Variants in MATN2 observed in about 807,000 individuals in gnomAD.
MATN2 encodes matrilin 2, also known as matrilin-2.
A neutral mutation model predicts 103.2 loss-of-function variants in MATN2; 69 were observed. The ratio of observed to expected loss-of-function variants is 0.67; its 90% confidence interval spans 0.55 to 0.82. The LOEUF (loss-of-function observed/expected upper bound fraction) is 0.82. Ranked by LOEUF, MATN2 falls within the 40% of genes least tolerant of loss-of-function variation. The probability of loss-of-function intolerance (pLI) is 0.00; values close to 1 mark genes in which losing one functional copy is unlikely to be tolerated. For synonymous variants in MATN2, 429 were observed against 450.2 expected (o/e 0.95, Z 0.60); for missense variants, 1,023 against 1,211.5 (o/e 0.84, Z 2.31).
chr8:98,032,763 C>G (rs975019338), intron 16 of MATN2, among the ~76,000 whole-genome samples: 2 of 152,134 alleles, frequency 1.3e-5, no homozygotes, highest in Admixed American at 6.5e-5. Context: ...AACTCCTGAC[C>G]TCAAGCGATC....
chr8:97,989,602 T>C (rs1293933940), intron 6 of MATN2, among the ~76,000 whole-genome samples: 1 of 152,206 alleles, frequency 6.6e-6, no homozygotes, highest in East Asian at 1.9e-4. Context: ...TAAAACAGAA[T>C]GTCCACTCAC....
intron 6 of MATN2, among the ~76,000 whole-genome samples, chr8:97,990,695 T>A (rs1442507571): frequency 6.6e-6 from 1 of 152,174 alleles, no homozygotes; most frequent in African/African-American, 2.4e-5. Context: ...AAAATAATTA[T>A]GCTGAATGAA....
chr8:97,997,898 C>A (rs1484347862), intron 7 of MATN2, among the ~76,000 whole-genome samples: 1 of 146,444 alleles, frequency 6.8e-6, no homozygotes, highest in Non-Finnish European at 1.5e-5. Flanking sequence ...TGGCTCACTA[C>A]AACCTCTGTC....
chr8:98,034,070 C>A, intron 18 of MATN2: 1 of 425,612 alleles, frequency 2.3e-6, no homozygotes, highest in South Asian at 1.7e-5. Context: ...CTCAGTACTC[C>A]AAACTTTTCC....
At chr8:97,893,668 C>A (rs1212828964) in intron 2 of MATN2, among the ~76,000 whole-genome samples, 1 of 151,720 alleles carries the variant, frequency 6.6e-6, no homozygotes, top group East Asian at 1.9e-4. Context: ...CCTCCGCCTC[C>A]CAGGTTCAAG....
intron 7 of MATN2, among the ~76,000 whole-genome samples, chr8:97,998,576 A>T (rs1233122428): frequency 6.8e-6 from 1 of 147,770 alleles, no homozygotes; most frequent in Non-Finnish European, 1.5e-5. Flanking sequence ...ATTTATTTTA[A>T]TTTTTTAAAA....
intron 2 of MATN2, among the ~76,000 whole-genome samples, chr8:97,921,960 C>T (rs1282572279): frequency 6.6e-6 from 1 of 152,200 alleles, no homozygotes; most frequent in African/African-American, 2.4e-5. Flanking sequence ...ACCTGAGCTC[C>T]ACCTCCTGTG....
chr8:97,995,433 C>T (rs571682786), intron 7 of MATN2, among the ~76,000 whole-genome samples: 28 of 151,994 alleles, frequency 1.8e-4, no homozygotes, highest in African/African-American at 5.5e-4. Context: ...CTTTTTTAGG[C>T]GTGCAAGTTG....
At chr8:98,006,468 A>C (rs1365304255) in intron 8 of MATN2, among the ~76,000 whole-genome samples, 1 of 152,188 alleles carries the variant, frequency 6.6e-6, no homozygotes, top group South Asian at 2.1e-4. Context: ...CACATTCACA[A>C]ATCAGGAAAC....
chr8:97,930,981 C>A lies in MATN2; in HGVS notation c.171C>A (p.Asp57Glu), dbSNP rs1563674346. The change falls in exon 3 of 19, where the codon GAC becomes GAA. Residue 57 changes from aspartate (D) to glutamate (E), a missense_variant. Asp to Glu is a conservative substitution (Grantham distance 45). Transcript: ENST00000254898. ...LESSCENKRA[D>E]LVFIIDSSRS... Reference sequence around the variant, plus strand: ...GTTCCTGTGAGAACAAGCGGGCAGACCTGGTTTTCATCATTGACAGCTCTC... The same window carrying A: ...GTTCCTGTGAGAACAAGCGGGCAGAACTGGTTTTCATCATTGACAGCTCTC... 2 of 1,612,250 alleles carry A rather than the reference C, an allele frequency of 1.2e-6. No homozygotes were observed. The highest frequency in any genetic ancestry group is 8.5e-7 in the Non-Finnish European group (1 of 1,178,872).
intron 4 of MATN2, among the ~76,000 whole-genome samples, chr8:97,946,311 G>A (rs773575153): frequency 2.0e-5 from 3 of 152,096 alleles, no homozygotes; most frequent in Non-Finnish European, 4.4e-5. Context: ...TAAGATCAAG[G>A]TGTAGAATTT....
intron 2 of MATN2, among the ~76,000 whole-genome samples, chr8:97,917,463 G>A (rs1051497584): frequency 6.6e-6 from 1 of 152,194 alleles, no homozygotes; most frequent in Non-Finnish European, 1.5e-5. Flanking sequence ...AGAAGCACAC[G>A]GTGCCTGGCA....
At chr8:97,917,589 C>T (rs1287108625) in intron 2 of MATN2, among the ~76,000 whole-genome samples, 2 of 152,192 alleles carry the variant, frequency 1.3e-5, no homozygotes, top group Admixed American at 6.5e-5. Flanking sequence ...GGGAGCCTGG[C>T]TACCCCAACT....
intron 7 of MATN2, among the ~76,000 whole-genome samples, chr8:98,000,219 G>A (rs761554638): frequency 6.6e-6 from 1 of 152,054 alleles, no homozygotes; most frequent in Non-Finnish European, 1.5e-5. Context: ...CTTCAGGTCT[G>A]GGTCCCATTC....
intron 12 of MATN2, among the ~76,000 whole-genome samples, chr8:98,018,944 A>G (rs1162252875): frequency 6.6e-6 from 1 of 151,722 alleles, no homozygotes; most frequent in Non-Finnish European, 1.5e-5. Flanking sequence ...ACAGGCTCTG[A>G]GAGTTTCGTT....
intron 5 of MATN2, among the ~76,000 whole-genome samples, chr8:97,963,844 G>A (rs529357737): frequency 2.6e-5 from 4 of 152,324 alleles, no homozygotes; most frequent in Non-Finnish European, 5.9e-5. Flanking sequence ...GAGGCTGGGA[G>A]TGAGATGATT....
chr8:98,007,072 C>A lies in MATN2; in HGVS notation c.1328-33C>A, dbSNP rs1011069388. Reference sequence around the variant, plus strand: ...TGCTGGTGGGGTATTGCCCCCTCGGCTCCTCTATGCTTTCGCGTGTGTGAA... The same window carrying A: ...TGCTGGTGGGGTATTGCCCCCTCGGATCCTCTATGCTTTCGCGTGTGTGAA... On this transcript the variant is annotated intron_variant, in intron 8 of 18. Transcript: ENST00000254898. The surrounding 1 kb of genome is among the most constrained non-coding windows in gnomAD (Gnocchi z 4.2). 6.4e-7 allele frequency: 1 copy of A among 1,573,352 alleles called. No individual in the cohort carries two copies. Among genetic ancestry groups the A allele is most frequent in the East Asian group, 2.3e-5 (1 of 42,734 alleles).
At chr8:97,989,299 C>G (rs1411299608) in intron 6 of MATN2, among the ~76,000 whole-genome samples, 5 of 152,138 alleles carry the variant, frequency 3.3e-5, no homozygotes, top group African/African-American at 4.8e-5. Flanking sequence ...GAAACCCCGT[C>G]TCTCCTAAAA....
intron 4 of MATN2, among the ~76,000 whole-genome samples, chr8:97,948,697 A>G (rs921994995): frequency 2.6e-5 from 4 of 152,244 alleles, no homozygotes; most frequent in African/African-American, 9.6e-5. Context: ...TTTACCTCAT[A>G]ACATGTATAA....
Sources: gnomAD v4.1 joint callset for allele counts (sites outside exome capture counted in the v4.1 genomes callset) on GRCh38, gnomAD v4.1.1 for gene constraint, Gnocchi (gnomAD v3.1) non-coding constraint, MANE v1.5 for transcripts, NCBI Gene and HGNC (gene_info 2026-07-23, HGNC 2026-07-21) for gene names.